Variants in MAP3K8 observed in about 807,000 individuals in gnomAD.
MAP3K8 encodes the protein mitogen-activated protein kinase kinase kinase 8, also known as Ewing sarcoma transformant.
In MAP3K8, 22 loss-of-function variants were observed where a neutral mutation model predicts 45.8. The ratio of observed to expected loss-of-function variants is 0.48; its 90% CI spans 0.34 to 0.69. MAP3K8 has a LOEUF of 0.69. MAP3K8 is among the 30% of genes least tolerant of loss of function. The probability of loss-of-function intolerance (pLI) is 0.01; values close to 1 mark genes in which losing one functional copy is unlikely to be tolerated. For missense variants in MAP3K8, 419 were observed against 585.0 expected (o/e 0.72, Z 2.93); for synonymous variants, 223 against 214.3 (o/e 1.04, Z -0.36).
chr10:30,450,339 G>A lies in MAP3K8; in HGVS notation c.586G>A (p.Ala196Thr), dbSNP rs753577719. The A allele has an allele frequency of 1.2e-6, 2 of 1,614,016 alleles. No homozygotes were observed. The highest frequency in any genetic ancestry group is 1.3e-5 in the African/African-American group (1 of 74,920). ...RHENIAELYG[A>T]VLWGETVHLF... Reference sequence around the variant, plus strand: ...CGAGAACATCGCAGAGCTGTATGGCGCAGTCCTGTGGGGTGAAACTGTCCA... The same window carrying A: ...CGAGAACATCGCAGAGCTGTATGGCACAGTCCTGTGGGGTGAAACTGTCCA... Residue 196 changes from alanine to threonine, a missense_variant, in exon 5 of 9, where the codon GCA becomes ACA. Coordinates refer to ENST00000263056, the MANE Select transcript of MAP3K8 (RefSeq NM_005204.4).
intron 1 of MAP3K8, chr10:30,434,676 G>C (rs778852293): frequency 2.9e-4 from 286 of 985,248 alleles, no homozygotes; most frequent in Non-Finnish European, 3.3e-4. Context: ...GCGGGGAAGC[G>C]GGGACCCGCT....
intron 8 of MAP3K8, among the ~76,000 whole-genome samples, chr10:30,460,021 T>C (rs1350275616): frequency 2.0e-5 from 3 of 152,102 alleles, no homozygotes; most frequent in Non-Finnish European, 1.5e-5. Context: ...TTTTGTATTT[T>C]TAGTAGAGAT....
At position 30,438,943 on chromosome 10, in the gene MAP3K8, A is replaced by T; in HGVS notation, c.5A>T (p.Glu2Val). The change falls in exon 3 of 9, where the codon GAG becomes GTG. Residue 2 changes from glutamate to valine, a missense_variant. Glu to Val is a moderately radical substitution (Grantham distance 121). Coordinates refer to ENST00000263056, the MANE Select transcript of MAP3K8 (RefSeq NM_005204.4). ...TCTCCAGAAAGAGCAACAGTAATGGAGTACATGAGCACTGGAAGTGACAAT... is the reference window on the plus strand; with the variant it reads ...TCTCCAGAAAGAGCAACAGTAATGGTGTACATGAGCACTGGAAGTGACAAT... M[E>V]YMSTGSDNKE... 1.9e-6 allele frequency: 3 copies of T among 1,601,812 alleles called. No homozygotes were observed. Among genetic ancestry groups the T allele is most frequent in the Non-Finnish European group, 1.7e-6 (2 of 1,170,782 alleles).
rs1588801712 is a variant in MAP3K8 at position 30,461,583 on chromosome 10, T to C, written c.*747T>C. 5.2e-6 allele frequency: 1 copy of C among 190,500 alleles called. No individual in the cohort carries two copies. The highest frequency in any genetic ancestry group is 8.5e-5 in the East Asian group (1 of 11,790). The allele number at this position is 190,500 out of a possible 1,614,324, so 11.8% of individuals were successfully genotyped here. A position where few individuals can be genotyped will look rare whatever the true frequency, so the allele number is the denominator to read the frequency against. On this transcript the variant is annotated 3_prime_UTR_variant, in exon 9 of 9. Coordinates refer to ENST00000263056, the MANE Select transcript of MAP3K8 (RefSeq NM_005204.4). Reference sequence around the variant, plus strand: ...CCTTTAAGAAAAATGAAAACTTTTGTAAATTATTGATGATTTTGTAATTCT... The same window carrying C: ...CCTTTAAGAAAAATGAAAACTTTTGCAAATTATTGATGATTTTGTAATTCT...
chr10:30,444,116 G>A (rs545954295), intron 3 of MAP3K8, among the ~76,000 whole-genome samples: 219 of 152,074 alleles, frequency 1.4e-3, no homozygotes, highest in African/African-American at 4.6e-3. Context: ...CTTGAGTCTG[G>A]GAGGTTGAAG....
At chr10:30,457,142 C>G (rs1002573165) in intron 6 of MAP3K8, among the ~76,000 whole-genome samples, 2 of 151,618 alleles carry the variant, frequency 1.3e-5, no homozygotes, top group African/African-American at 4.8e-5. Context: ...TGCCCCACCT[C>G]TCTTTGTTTC....
At position 30,461,772 on chromosome 10, in the gene MAP3K8, C is replaced by T. The variant is rs1012742118; in HGVS notation, c.*936C>T. 4 of 183,172 alleles carry T rather than the reference C, an allele frequency of 2.2e-5. No individual in the cohort carries two copies. Among genetic ancestry groups the T allele is most frequent in the Non-Finnish European group, 4.6e-5 (4 of 86,352 alleles). 11.3% of individuals were successfully genotyped at this position (183,172 alleles called of 1,614,324 possible). ...ATGTTTTTACATTATGCAAATAAAACCCAATACTTTTGTCCAATGTGGTTG... is the reference window on the plus strand; with the variant it reads ...ATGTTTTTACATTATGCAAATAAAATCCAATACTTTTGTCCAATGTGGTTG... On this transcript the variant is annotated 3_prime_UTR_variant, in exon 9 of 9. Transcript: ENST00000263056.
At chr10:30,453,423 C>T (rs1231702270) in intron 6 of MAP3K8, among the ~76,000 whole-genome samples, 3 of 152,120 alleles carry the variant, frequency 2.0e-5, no homozygotes, top group African/African-American at 7.2e-5. Context: ...AGATGTAAAA[C>T]AGCACTCATG....
rs573051459 is a variant in MAP3K8, at chr10:30,434,458, T to C, written c.-255+80T>C. 40 of 985,486 alleles carry C rather than the reference T, an allele frequency of 4.1e-5. No individual in the cohort carries two copies. In the South Asian group the frequency reaches 1.7e-3, roughly 43 times the overall value. 61.0% of individuals were successfully genotyped at this position (985,486 alleles called of 1,614,324 possible). A position where few individuals can be genotyped will look rare whatever the true frequency, so the allele number is the denominator to read the frequency against. ...TGCCCCGGGGATTCCCATGCAGAAA[T>C]GGAGGGTGCCCCCAGCAGAGGGGAA... On this transcript the variant is annotated intron_variant, in intron 1 of 8. Coordinates refer to ENST00000263056, the MANE Select transcript of MAP3K8 (RefSeq NM_005204.4).
At chr10:30,454,105 C>G (rs905887435) in intron 6 of MAP3K8, among the ~76,000 whole-genome samples, 3 of 152,268 alleles carry the variant, frequency 2.0e-5, no homozygotes, top group African/African-American at 7.2e-5. Flanking sequence ...CTTGGCCCCT[C>G]ACCACTACCG....
At chr10:30,455,679 A>G (rs1836707859) in intron 6 of MAP3K8, among the ~76,000 whole-genome samples, 1 of 152,218 alleles carries the variant, frequency 6.6e-6, no homozygotes, top group Non-Finnish European at 1.5e-5. Context: ...CATCACATGC[A>G]CATATACGCA....
chr10:30,439,465 A>G, intron 3 of MAP3K8, 191 bp downstream of exon 3: 1 of 1,180,198 alleles, frequency 8.5e-7, no homozygotes, highest in African/African-American at 1.5e-5. Flanking sequence ...ATTTCTATTT[A>G]AAGATTCTTG....
intron 3 of MAP3K8, among the ~76,000 whole-genome samples, chr10:30,445,503 T>A (rs1220312130): frequency 6.6e-6 from 1 of 152,184 alleles, no homozygotes; most frequent in Admixed American, 6.5e-5. Context: ...AACACAGAGA[T>A]GGTTCACTGG....
At chr10:30,452,367 G>A (rs1836573414) in intron 6 of MAP3K8, among the ~76,000 whole-genome samples, 1 of 152,058 alleles carries the variant, frequency 6.6e-6, no homozygotes, top group South Asian at 2.1e-4. Context: ...TACTCGGGAG[G>A]CTGAGGGAGG....
At chr10:30,438,704 C>T (rs1051345584) in intron 2 of MAP3K8, 5 of 408,538 alleles carry the variant, frequency 1.2e-5, no homozygotes, top group African/African-American at 9.9e-5. Flanking sequence ...CTCAGGTTTC[C>T]CTCTGCAAAG....
intron 1 of MAP3K8, among the ~76,000 whole-genome samples, chr10:30,435,001 G>GA (rs1186614087): frequency 6.6e-6 from 1 of 151,488 alleles, no homozygotes; most frequent in Non-Finnish European, 1.5e-5. Context: ...AATACTAGGA[G>GA]AAAAAAAAAG....
chr10:30,436,589 T>A (rs945254269), intron 1 of MAP3K8, among the ~76,000 whole-genome samples: 3 of 151,968 alleles, frequency 2.0e-5, no homozygotes, highest in African/African-American at 7.3e-5. Flanking sequence ...TAACATCTTG[T>A]CTTACAGCTC....
Position 30,447,859 on chromosome 10 carries a change from T to A in MAP3K8, c.414T>A (p.Asn138Lys), listed in dbSNP as rs1564368907. 5 of 1,613,674 alleles carry A rather than the reference T, an allele frequency of 3.1e-6. No individual in the cohort carries two copies. The highest frequency in any genetic ancestry group is 3.4e-6 in the Non-Finnish European group (4 of 1,179,808). The change falls in exon 4 of 9, where the codon AAT becomes AAA. Residue 138 changes from asparagine to lysine, a missense_variant. Around this residue, in one of 3 missense-constraint regions of MAP3K8, gnomAD observed 209 missense variants for 367.3 expected, o/e 0.57. Coordinates refer to ENST00000263056, the MANE Select transcript of MAP3K8 (RefSeq NM_005204.4). Reference protein sequence around the residue: ...LLIPWKLTYRNIGSDFIPRGA... With the variant: ...LLIPWKLTYRKIGSDFIPRGA... Reference sequence around the variant, plus strand: ...TCCCCTGGAAGCTGACTTACAGGAATATTGGTTCTGATTTTATTCCTCGGG... The same window carrying A: ...TCCCCTGGAAGCTGACTTACAGGAAAATTGGTTCTGATTTTATTCCTCGGG...
intron 6 of MAP3K8, among the ~76,000 whole-genome samples, chr10:30,452,251 C>T (rs1299580689): frequency 6.6e-6 from 1 of 151,970 alleles, no homozygotes; most frequent in Non-Finnish European, 1.5e-5. Context: ...GGGCGGATCA[C>T]CTGAGGTCGG....
Sources: gnomAD v4.1 joint callset for allele counts (sites outside exome capture counted in the v4.1 genomes callset) on GRCh38, gnomAD v4.1.1 for gene constraint, gnomAD v4.1.1 regional missense constraint, MANE v1.5 for transcripts, NCBI Gene and HGNC (gene_info 2026-07-23, HGNC 2026-07-21) for gene names.